Variants in CNTNAP2 observed in about 807,000 individuals in gnomAD.
CNTNAP2 encodes contactin-associated protein-like 2.
CNTNAP2 carries 98 observed loss-of-function variants against 155.2 expected under a neutral mutation model. The observed-to-expected ratio is 0.63, with a 90% CI of 0.54 to 0.75. CNTNAP2 has a LOEUF of 0.75. Ranked by LOEUF, CNTNAP2 falls within the 30% of genes least tolerant of loss-of-function variation. The probability of loss-of-function intolerance (pLI) is 0.00; values close to 1 mark genes in which losing one functional copy is unlikely to be tolerated. For synonymous variants in CNTNAP2, 651 were observed against 631.2 expected (o/e 1.03, Z -0.47); for missense variants, 1,727 against 1,688.1 (o/e 1.02, Z -0.40).
intron 11 of CNTNAP2, among the ~76,000 whole-genome samples, chr7:147,513,406 A>T (rs1360461847): frequency 1.3e-5 from 2 of 152,118 alleles, no homozygotes; most frequent in African/African-American, 4.8e-5. Context: ...ATAAATGTGT[A>T]GGTGGCCTTG....
chr7:147,414,463 A>G (rs964104996), intron 10 of CNTNAP2, among the ~76,000 whole-genome samples: 8 of 151,592 alleles, frequency 5.3e-5, no homozygotes, highest in African/African-American at 1.9e-4. Flanking sequence ...GATGCCAACA[A>G]TATAATATAA....
At chr7:146,650,680 A>G (rs1260968221) in intron 1 of CNTNAP2, among the ~76,000 whole-genome samples, 1 of 152,164 alleles carries the variant, frequency 6.6e-6, no homozygotes, top group Admixed American at 6.5e-5. Flanking sequence ...CCTAGAACTT[A>G]AAGTATAATA....
rs142776378 is a variant in CNTNAP2, at chr7:146,766,785, T to C, written c.98-7486T>C. The stretch of plus-strand genomic sequence containing the variant: ...GTGGTTTAATGATCTCTGCCATCTG[T>C]ATATTCATCAAGGTCCAAATTGGAA... On this transcript the variant is annotated intron_variant, in intron 1 of 23. Coordinates refer to ENST00000361727, the MANE Select transcript of CNTNAP2 (RefSeq NM_014141.6). 2.1e-3 allele frequency among the ~76,000 whole-genome samples: 325 copies of C among 152,308 alleles called. 2 individuals carry two copies. Among genetic ancestry groups the C allele is most frequent in the African/African-American group, 7.5e-3 (310 of 41,570 alleles).
intron 1 of CNTNAP2, among the ~76,000 whole-genome samples, chr7:146,133,383 T>A (rs1407710908): frequency 1.3e-4 from 20 of 152,084 alleles, no homozygotes; most frequent in Non-Finnish European, 1.5e-4. Context: ...CTCTGATGGT[T>A]GTTTCTTTTG....
At chr7:146,933,720 A>G (rs1037629158) in intron 3 of CNTNAP2, among the ~76,000 whole-genome samples, 5 of 151,552 alleles carry the variant, frequency 3.3e-5, no homozygotes, top group Non-Finnish European at 5.9e-5. Flanking sequence ...AGAATCTACA[A>G]TGAACTCAAA....
At chr7:147,022,608 GT>G (rs71165062) in intron 3 of CNTNAP2, among the ~76,000 whole-genome samples, 2,249 of 138,872 alleles carry the variant, frequency 0.016, 57 homozygotes, top group African/African-American at 0.05. Context: ...CAAACACATG[GT>G]TTTTTTTTTT....
At chr7:148,398,850 C>T (rs918219050) in intron 22 of CNTNAP2, among the ~76,000 whole-genome samples, 5 of 152,152 alleles carry the variant, frequency 3.3e-5, no homozygotes, top group African/African-American at 9.7e-5. Context: ...AATCCCTGAC[C>T]ACTGCCTAAG....
chr7:148,164,611 C>CTTT lies in CNTNAP2; in HGVS notation c.2774-7606_2774-7604dup, dbSNP rs1175888434. Among the ~76,000 whole-genome samples, 55 of 93,570 alleles carry CTTT rather than the reference C, an allele frequency of 5.9e-4. 2 individuals are homozygous for CTTT. The highest frequency in any genetic ancestry group is 1.2e-3 in the African/African-American group (21 of 17,794). The allele number at this position is 93,570 out of a possible 152,430, so 61.4% of individuals were successfully genotyped here. A position where few individuals can be genotyped will look rare whatever the true frequency, so the allele number is the denominator to read the frequency against. ...TAACTCTGTGCTTTCTTTTCTCTCT[C>CTTT]TTTTTTTTTTTTTTTTTTTTTTTTT... On this transcript the variant is annotated intron_variant, in intron 17 of 23. Transcript: ENST00000361727.
chr7:147,002,530 C>T (rs781411159), intron 3 of CNTNAP2, among the ~76,000 whole-genome samples: 15 of 151,930 alleles, frequency 9.9e-5, no homozygotes, highest in Admixed American at 3.3e-4. Flanking sequence ...CAAAACGTCA[C>T]GAAATTTACC....
intron 1 of CNTNAP2, among the ~76,000 whole-genome samples, chr7:146,193,706 T>A (rs1798739360): frequency 6.6e-6 from 1 of 152,232 alleles, no homozygotes; most frequent in South Asian, 2.1e-4. Context: ...TTCCTTATTG[T>A]CTTGCTGATT....
At chr7:148,163,534 C>G (rs1805591682) in intron 17 of CNTNAP2, among the ~76,000 whole-genome samples, 1 of 152,092 alleles carries the variant, frequency 6.6e-6, no homozygotes, top group Admixed American at 6.6e-5. Context: ...TATTTTGAAG[C>G]TTTCTTCTAG....
intron 1 of CNTNAP2, among the ~76,000 whole-genome samples, chr7:146,692,530 G>A (rs980073801): frequency 6.6e-6 from 1 of 152,102 alleles, no homozygotes; most frequent in Non-Finnish European, 1.5e-5. Flanking sequence ...CTATTGTCAA[G>A]AGGGAAAATA....
At chr7:146,767,456 T>G (rs1020626726) in intron 1 of CNTNAP2, among the ~76,000 whole-genome samples, 2 of 152,208 alleles carry the variant, frequency 1.3e-5, no homozygotes, top group Admixed American at 6.5e-5. Context: ...TGTGTATATG[T>G]ACTATGAAGA....
chr7:147,217,086 T>C (rs1442263078), intron 8 of CNTNAP2, among the ~76,000 whole-genome samples: 1 of 151,982 alleles, frequency 6.6e-6, no homozygotes, highest in Non-Finnish European at 1.5e-5. Flanking sequence ...TTGTTGATTT[T>C]AAAAAAATTC....
chr7:147,447,198 G>A (rs1797753893), intron 10 of CNTNAP2, among the ~76,000 whole-genome samples: 1 of 152,280 alleles, frequency 6.6e-6, no homozygotes, highest in Admixed American at 6.5e-5. Context: ...ACAGATTTCA[G>A]AAAGTTTTAG....
intron 13 of CNTNAP2, among the ~76,000 whole-genome samples, chr7:147,797,512 C>G (rs1440725867): frequency 6.6e-6 from 1 of 152,028 alleles, no homozygotes; most frequent in Non-Finnish European, 1.5e-5. Context: ...GCCAGCATCC[C>G]CCCAATATGT....
intron 1 of CNTNAP2, among the ~76,000 whole-genome samples, chr7:146,181,770 T>G (rs1338736279): frequency 3.9e-5 from 6 of 152,184 alleles, no homozygotes; most frequent in African/African-American, 1.4e-4. Flanking sequence ...CAGAGCATTT[T>G]CTAAGTCTTG....
chr7:146,692,467 G>C (rs1157646976), intron 1 of CNTNAP2, among the ~76,000 whole-genome samples: 1 of 152,090 alleles, frequency 6.6e-6, no homozygotes, highest in Non-Finnish European at 1.5e-5. Context: ...GCATGAAATT[G>C]GGCACACAAT....
At chr7:146,605,602 G>A (rs990675412) in intron 1 of CNTNAP2, among the ~76,000 whole-genome samples, 6 of 152,062 alleles carry the variant, frequency 3.9e-5, no homozygotes, top group African/African-American at 1.2e-4. Context: ...AATATTTGAG[G>A]TTTGCCATAT....
Sources: allele counts gnomAD v4.1 joint callset (sites outside exome capture counted in the v4.1 genomes callset), GRCh38; gene constraint gnomAD v4.1.1; transcripts MANE v1.5; gene names NCBI Gene and HGNC (gene_info 2026-07-23, HGNC 2026-07-21).